The following NAALADL2 variants were observed in gnomAD, a reference collection of about 807,000 sequenced individuals.
NAALADL2 encodes inactive N-acetylated-alpha-linked acidic dipeptidase-like protein 2.
A neutral mutation model predicts 87.2 loss-of-function variants in NAALADL2; 76 were observed. That is an observed-to-expected ratio of 0.87 (90% CI 0.72 to 1.05). The LOEUF (loss-of-function observed/expected upper bound fraction) is 1.05, where lower values mean the gene tolerates loss of function less well. Ranked by LOEUF, NAALADL2 falls within the 50% of genes least tolerant of loss-of-function variation. The probability of loss-of-function intolerance (pLI) is 0.00; values close to 1 mark genes in which losing one functional copy is unlikely to be tolerated. For synonymous variants in NAALADL2, 354 were observed against 331.0 expected, an observed-to-expected ratio of 1.07 and a Z score of -0.75; for missense variants, 1,089 against 945.8, an observed-to-expected ratio of 1.15 and a Z score of -1.99.
chr3:175,556,269 T>A (rs1715249250), intron 9 of NAALADL2, among the ~76,000 whole-genome samples: 1 of 152,064 alleles, frequency 6.6e-6, no homozygotes, highest in Non-Finnish European at 1.5e-5. Context: ...AAAAAAAAAC[T>A]GAAGTAGGAG....
At chr3:174,469,555 A>G (rs1716768317) in intron 1 of NAALADL2, among the ~76,000 whole-genome samples, 1 of 151,796 alleles carries the variant, frequency 6.6e-6, no homozygotes, top group Non-Finnish European at 1.5e-5. Context: ...CAGCCTCCCG[A>G]GTAGCTGGGA....
chr3:174,676,643 T>G (rs1374743418), intron 2 of NAALADL2, among the ~76,000 whole-genome samples: 1 of 151,920 alleles, frequency 6.6e-6, no homozygotes, highest in Non-Finnish European at 1.5e-5. Flanking sequence ...TAGATTTATG[T>G]GAGACAGTAT....
chr3:174,626,580 A>G (rs954694099), intron 2 of NAALADL2, among the ~76,000 whole-genome samples: 7 of 151,954 alleles, frequency 4.6e-5, no homozygotes, highest in African/African-American at 9.7e-5. Flanking sequence ...GTATAGTAAC[A>G]TTTTTCCATA....
chr3:175,710,464 TA>T (rs1188848313), intron 11 of NAALADL2, among the ~76,000 whole-genome samples: 1 of 151,920 alleles, frequency 6.6e-6, no homozygotes, highest in East Asian at 1.9e-4. Flanking sequence ...TACTTATTTC[TA>T]AAATAATGAA....
chr3:175,100,547 G>A (rs1721958543), intron 2 of NAALADL2, among the ~76,000 whole-genome samples: 1 of 152,218 alleles, frequency 6.6e-6, no homozygotes, highest in Admixed American at 6.5e-5. Context: ...TGATAAAAGT[G>A]CAAAAGAAGG....
chr3:175,258,315 C>CACA (rs1560245732), intron 4 of NAALADL2, among the ~76,000 whole-genome samples: 31 of 91,210 alleles, frequency 3.4e-4, no homozygotes, highest in African/African-American at 1.5e-3. Flanking sequence ...GTCCCTCCGC[C>CACA]CCCACCACCA....
intron 2 of NAALADL2, among the ~76,000 whole-genome samples, chr3:175,144,875 G>T (rs1204654097): frequency 6.6e-6 from 1 of 151,856 alleles, no homozygotes; most frequent in African/African-American, 2.4e-5. Context: ...TCTCATACAA[G>T]ATTACGGCAT....
chr3:175,718,196 T>TTTC lies in NAALADL2; in HGVS notation c.1897-19108_1897-19107insCTT, dbSNP rs1491127378. The TTTC allele has an allele frequency of 7.1e-5, 24 of 338,508 alleles. No homozygotes were observed. The African/African-American group carries it at 2.2e-3, about 31-fold the overall frequency. 21.0% of individuals were successfully genotyped at this position (338,508 alleles called of 1,614,324 possible). On this transcript the variant is annotated intron_variant, in intron 11 of 13. Transcript: ENST00000454872. ...GGAGGGGAAGGGGAAGGGCCTGTGG[T>TTTC]TTTTTTTTTTTTTTTTTTTTTTTTT...
Position 174,518,724 on chromosome 3 carries a change from A to G in NAALADL2, c.-183-31845A>G, listed in dbSNP as rs147482055. 5.3e-5 allele frequency among the ~76,000 whole-genome samples: 8 copies of G among 151,266 alleles called. No homozygotes were observed. The East Asian group carries it at 1.4e-3, about 26-fold the overall frequency. ...TAGTTAGTTAGGTTTTCTCTTGTTT[A>G]TAAGCCTCTTTCCCTACCCATTTGA... On this transcript the variant is annotated intron_variant, in intron 1 of 3. Transcript: ENST00000434257.
intron 3 of NAALADL2, among the ~76,000 whole-genome samples, chr3:174,820,322 G>A (rs1286640806): frequency 6.6e-6 from 1 of 152,098 alleles, no homozygotes; most frequent in Non-Finnish European, 1.5e-5. Context: ...AAGTTGAAGT[G>A]TCTCTAACCA....
At chr3:175,632,404 C>T (rs1205986601) in intron 11 of NAALADL2, among the ~76,000 whole-genome samples, 3 of 151,642 alleles carry the variant, frequency 2.0e-5, no homozygotes, top group South Asian at 2.1e-4. Flanking sequence ...TCCTGTACAG[C>T]CTGTGGAACT....
chr3:174,881,033 C>A (rs1729124509), intron 1 of NAALADL2, among the ~76,000 whole-genome samples: 1 of 152,068 alleles, frequency 6.6e-6, no homozygotes, highest in Non-Finnish European at 1.5e-5. Context: ...CTGTTCTTCT[C>A]TTTTAAGGAT....
At chr3:174,971,159 A>G (rs1255363005) in intron 1 of NAALADL2, among the ~76,000 whole-genome samples, 1 of 152,138 alleles carries the variant, frequency 6.6e-6, no homozygotes, top group East Asian at 1.9e-4. Flanking sequence ...GGCCCCCATA[A>G]TTCAATTACC....
intron 1 of NAALADL2, among the ~76,000 whole-genome samples, chr3:174,902,152 G>A (rs1455883284): frequency 2.0e-5 from 3 of 152,134 alleles, no homozygotes; most frequent in Non-Finnish European, 4.4e-5. Flanking sequence ...TGTAGCATAA[G>A]TCTAAGAGAA....
chr3:174,525,147 G>C (rs1720625149), intron 1 of NAALADL2, among the ~76,000 whole-genome samples: 1 of 152,150 alleles, frequency 6.6e-6, no homozygotes, highest in South Asian at 2.1e-4. Context: ...ACATATCCTT[G>C]TCATTAAGCA....
intron 9 of NAALADL2, among the ~76,000 whole-genome samples, chr3:175,572,474 A>G (rs1718231672): frequency 6.6e-6 from 1 of 152,108 alleles, no homozygotes. Flanking sequence ...GGAAAAAATT[A>G]GACTTTTAAA....
chr3:175,489,618 A>C (rs1235865653), intron 9 of NAALADL2, among the ~76,000 whole-genome samples: 2 of 152,218 alleles, frequency 1.3e-5, no homozygotes, highest in African/African-American at 4.8e-5. Flanking sequence ...TCATTACCAT[A>C]GTGTCTTATG....
intron 11 of NAALADL2, among the ~76,000 whole-genome samples, chr3:175,706,395 C>A (rs765499465): frequency 6.6e-6 from 1 of 151,918 alleles, no homozygotes; most frequent in African/African-American, 2.4e-5. Context: ...AGATTAGCAA[C>A]GACAACTAAT....
chr3:175,538,324 CAG>C (rs1734180599), intron 9 of NAALADL2, among the ~76,000 whole-genome samples: 1 of 151,382 alleles, frequency 6.6e-6, no homozygotes, highest in Non-Finnish European at 1.5e-5. Flanking sequence ...AAACCTAAAA[CAG>C]GGTATAAAAT....
Sources: gnomAD v4.1 joint callset for allele counts (sites outside exome capture counted in the v4.1 genomes callset) on GRCh38, gnomAD v4.1.1 for gene constraint, MANE v1.5 for transcripts, NCBI Gene and HGNC (gene_info 2026-07-23, HGNC 2026-07-21) for gene names.